Variants in PHACTR1 observed in about 807,000 individuals in gnomAD.
PHACTR1 encodes RPEL repeat containing 1.
A neutral mutation model predicts 69.2 loss-of-function variants in PHACTR1; 16 were observed. The ratio of observed to expected loss-of-function variants is 0.23; its 90% CI spans 0.16 to 0.35. The LOEUF (loss-of-function observed/expected upper bound fraction) is 0.35, where lower values mean the gene tolerates loss of function less well. Ranked by LOEUF, PHACTR1 falls within the 10% of genes least tolerant of loss-of-function variation. The probability of loss-of-function intolerance (pLI) is 1.00; values close to 1 mark genes in which losing one functional copy is unlikely to be tolerated. For synonymous variants in PHACTR1, 312 were observed against 284.5 expected, an observed-to-expected ratio of 1.10 and a Z score of -0.97; for missense variants, 510 against 734.7, an observed-to-expected ratio of 0.69 and a Z score of 3.54.
chr6:13,034,118 C>T (rs1471750531), intron 4 of PHACTR1, among the ~76,000 whole-genome samples: 4 of 151,912 alleles, frequency 2.6e-5, no homozygotes, highest in Admixed American at 1.3e-4. Flanking sequence ...CTGGGGTTCA[C>T]GCCATTCTCC....
chr6:12,717,925 G>C lies in PHACTR1; in HGVS notation c.-47+182G>C, dbSNP rs915528608. ...TCCAAAAAAATATTCTGCAGAAATA[G>C]AGATAATTCATTTGTGTGAGTATCA... On this transcript the variant is annotated intron_variant, in intron 2 of 14. Transcript: ENST00000332995. Among the ~76,000 whole-genome samples the C allele has an allele frequency of 3.2e-4, 49 of 152,160 alleles. 1 individual carries two copies. Among genetic ancestry groups the C allele is most frequent in the African/African-American group, 1.1e-3 (45 of 41,520 alleles).
intron 4 of PHACTR1, among the ~76,000 whole-genome samples, chr6:13,029,630 C>T (rs1802177793): frequency 6.6e-6 from 1 of 152,122 alleles, no homozygotes. Context: ...GCTAGGAGTA[C>T]AGTGTTGAGT....
chr6:12,756,853 C>G (rs1201229636), intron 4 of PHACTR1, among the ~76,000 whole-genome samples: 1 of 152,198 alleles, frequency 6.6e-6, no homozygotes, highest in African/African-American at 2.4e-5. Flanking sequence ...AATATTAAAT[C>G]ATGGTTTAAT....
At chr6:13,256,022 G>A (rs1775147222) in intron 10 of PHACTR1, among the ~76,000 whole-genome samples, 1 of 152,220 alleles carries the variant, frequency 6.6e-6, no homozygotes, top group Non-Finnish European at 1.5e-5. Flanking sequence ...TGAGGGCTCT[G>A]CCCCTGCAGC....
intron 5 of PHACTR1, among the ~76,000 whole-genome samples, chr6:13,057,903 G>T (rs1414534798): frequency 1.3e-5 from 2 of 152,154 alleles, no homozygotes; most frequent in Non-Finnish European, 2.9e-5. Context: ...CCAGATGGTG[G>T]TGAAAGCACT....
intron 4 of PHACTR1, among the ~76,000 whole-genome samples, chr6:12,889,358 G>C (rs1184475654): frequency 6.6e-6 from 1 of 152,214 alleles, no homozygotes; most frequent in East Asian, 1.9e-4. Context: ...ACTTCAGTAA[G>C]ATGAATGAGC....
At chr6:13,081,427 T>C (rs537764225) in intron 5 of PHACTR1, among the ~76,000 whole-genome samples, 7 of 152,162 alleles carry the variant, frequency 4.6e-5, no homozygotes, top group Non-Finnish European at 1.0e-4. Flanking sequence ...AGACGCAACA[T>C]GTATCTGTTC....
At chr6:13,143,240 G>A (rs1344369917) in intron 5 of PHACTR1, among the ~76,000 whole-genome samples, 2 of 152,192 alleles carry the variant, frequency 1.3e-5, no homozygotes, top group Admixed American at 6.5e-5. Flanking sequence ...GGTGACTATA[G>A]TCAATAATAA....
At chr6:13,147,183 A>G (rs1583577793) in intron 5 of PHACTR1, among the ~76,000 whole-genome samples, 1 of 152,344 alleles carries the variant, frequency 6.6e-6, no homozygotes, top group South Asian at 2.1e-4. Context: ...ATAATAAGGG[A>G]CCAATAAATG....
chr6:12,785,369 G>GTAT (rs1446323179), intron 4 of PHACTR1, among the ~76,000 whole-genome samples: 1 of 152,222 alleles, frequency 6.6e-6, no homozygotes, highest in Non-Finnish European at 1.5e-5. Flanking sequence ...GGAGGTACAT[G>GTAT]TATTAGGTTG....
chr6:13,196,957 T>C (rs1250958919), intron 7 of PHACTR1, among the ~76,000 whole-genome samples: 1 of 152,224 alleles, frequency 6.6e-6, no homozygotes, highest in Non-Finnish European at 1.5e-5. Context: ...CTCTGTTGTT[T>C]TTTTGGCTTC....
intron 4 of PHACTR1, among the ~76,000 whole-genome samples, chr6:13,042,480 C>T (rs116229151): frequency 1.7e-3 from 253 of 152,230 alleles, no homozygotes; most frequent in African/African-American, 5.6e-3. Context: ...AGAACACTGC[C>T]GTCAAAGTTA....
intron 4 of PHACTR1, among the ~76,000 whole-genome samples, chr6:12,985,222 A>G (rs1795996898): frequency 6.6e-6 from 1 of 152,200 alleles, no homozygotes; most frequent in South Asian, 2.1e-4. Flanking sequence ...TCCATAAATT[A>G]TCTCAATAAT....
chr6:13,026,834 G>A (rs1180733415), intron 4 of PHACTR1, among the ~76,000 whole-genome samples: 1 of 151,954 alleles, frequency 6.6e-6, no homozygotes, highest in African/African-American at 2.4e-5. Flanking sequence ...CAGAGTAATG[G>A]CCAGCTCTAA....
At chr6:13,019,271 CATAAT>C (rs1800637796) in intron 4 of PHACTR1, among the ~76,000 whole-genome samples, 1 of 152,040 alleles carries the variant, frequency 6.6e-6, no homozygotes, top group Non-Finnish European at 1.5e-5. Context: ...CAAAAGTAGA[CATAAT>C]AGGATAATTA....
At position 13,228,224 on chromosome 6, in the gene PHACTR1, A is replaced by G. The variant is rs995539875; in HGVS notation, c.1234+161A>G. ...AGCTTAGTCTACCTGTTGGGGCCTC[A>G]GTTCCTACATCAGTAAGAGGAGAGG... On this transcript the variant is annotated intron_variant, in intron 9 of 14. Transcript: ENST00000332995. 3.9e-4 allele frequency among the ~76,000 whole-genome samples: 60 copies of G among 152,280 alleles called. 2 individuals are homozygous for G. Among genetic ancestry groups the G allele is most frequent in the East Asian group, 1.9e-4 (1 of 5,180 alleles).
At chr6:12,881,186 G>A (rs1448853820) in intron 4 of PHACTR1, among the ~76,000 whole-genome samples, 2 of 152,022 alleles carry the variant, frequency 1.3e-5, no homozygotes, top group South Asian at 2.1e-4. Context: ...CGTGAAAGGC[G>A]GCAGATGTAA....
At chr6:12,931,965 C>G (rs1170890071) in intron 4 of PHACTR1, among the ~76,000 whole-genome samples, 1 of 151,592 alleles carries the variant, frequency 6.6e-6, no homozygotes, top group African/African-American at 2.4e-5. Flanking sequence ...GAGTATGGTC[C>G]CAGACCAGCT....
At chr6:12,819,682 T>G (rs759528149) in intron 4 of PHACTR1, among the ~76,000 whole-genome samples, 2 of 152,170 alleles carry the variant, frequency 1.3e-5, no homozygotes, top group African/African-American at 2.4e-5. Context: ...AAAATCTGTA[T>G]AGAGATGATA....
Sources: gnomAD v4.1 joint callset for allele counts (sites outside exome capture counted in the v4.1 genomes callset) on GRCh38, gnomAD v4.1.1 for gene constraint, MANE v1.5 for transcripts, NCBI Gene and HGNC (gene_info 2026-07-23, HGNC 2026-07-21) for gene names.